Variants in SLC4A4 observed in about 807,000 individuals in gnomAD.
SLC4A4 encodes solute carrier family 4 member 4.
SLC4A4 carries 27 observed loss-of-function variants against 111.5 expected under a neutral mutation model. The ratio of observed to expected loss-of-function variants is 0.24; its 90% CI spans 0.18 to 0.33. The LOEUF (loss-of-function observed/expected upper bound fraction) is 0.33. Among genes scored for constraint, SLC4A4 ranks in the 10% least tolerant of loss-of-function variants. The probability of loss-of-function intolerance (pLI) is 1.00; values close to 1 mark genes in which losing one functional copy is unlikely to be tolerated. For synonymous variants in SLC4A4, 443 were observed against 463.4 expected (o/e 0.96, Z 0.57); for missense variants, 909 against 1,315.5 (o/e 0.69, Z 4.78).
intron 9 of SLC4A4, among the ~76,000 whole-genome samples, chr4:71,450,007 T>G (rs1357649683): frequency 6.6e-6 from 1 of 152,200 alleles, no homozygotes; most frequent in Non-Finnish European, 1.5e-5. Context: ...TATCAGCAAT[T>G]TTTATCCCAG....
intron 7 of SLC4A4, among the ~76,000 whole-genome samples, chr4:71,424,816 G>A (rs1159954973): frequency 6.6e-6 from 1 of 151,952 alleles, no homozygotes; most frequent in Non-Finnish European, 1.5e-5. Flanking sequence ...ACAGGAAGGG[G>A]AACATCACAC....
chr4:71,477,804 A>C (rs1407793337), intron 14 of SLC4A4, among the ~76,000 whole-genome samples: 1 of 151,740 alleles, frequency 6.6e-6, no homozygotes, highest in East Asian at 1.9e-4. Context: ...CATCAACAAA[A>C]ATTTTCTGAG....
intron 2 of SLC4A4, among the ~76,000 whole-genome samples, chr4:71,141,115 CAT>C (rs1374992629): frequency 2.0e-5 from 3 of 152,138 alleles, no homozygotes; most frequent in African/African-American, 7.2e-5. Context: ...AAAAACAAAA[CAT>C]ATTCTTTCTG....
chr4:71,271,704 A>G (rs2149081403), intron 3 of SLC4A4, among the ~76,000 whole-genome samples: 1 of 152,328 alleles, frequency 6.6e-6, no homozygotes, highest in Non-Finnish European at 1.5e-5. Flanking sequence ...GCCATAGATA[A>G]GGAGCAATAA....
intron 2 of SLC4A4, among the ~76,000 whole-genome samples, chr4:71,251,422 A>G (rs1464233293): frequency 1.3e-5 from 2 of 152,202 alleles, no homozygotes; most frequent in African/African-American, 4.8e-5. Context: ...GGAAGAAACA[A>G]GAATCACGTA....
intron 2 of SLC4A4, among the ~76,000 whole-genome samples, chr4:71,180,526 C>T (rs2148987398): frequency 6.6e-6 from 1 of 152,260 alleles, no homozygotes; most frequent in East Asian, 1.9e-4. Flanking sequence ...ACAACCCCAT[C>T]AAAAAGTGGG....
In SLC4A4 at chr4:71,555,124, A is replaced by T; in HGVS notation, c.2695-16A>T. 1 of 1,572,442 alleles carries T rather than the reference A, an allele frequency of 6.4e-7. No homozygotes were observed. The highest frequency in any genetic ancestry group is 8.7e-7 in the Non-Finnish European group (1 of 1,143,348). On this transcript the variant is annotated splice_polypyrimidine_tract_variant and intron_variant, in intron 20 of 25. Coordinates refer to ENST00000264485, the MANE Select transcript of SLC4A4 (RefSeq NM_001098484.3). ...TTGTTATCATTTTTAAGTTGTATCC[A>T]TTTTTTTCCTTCTAGTTTATACCCA... is the stretch of plus-strand genomic sequence containing the variant.
chr4:71,097,115 T>C (rs888797376), intron 2 of SLC4A4, among the ~76,000 whole-genome samples: 11 of 152,182 alleles, frequency 7.2e-5, no homozygotes, highest in Non-Finnish European at 1.0e-4. Flanking sequence ...GATTATTTCA[T>C]CACCCAGGTA....
At chr4:71,277,597 T>C (rs576443329) in intron 3 of SLC4A4, among the ~76,000 whole-genome samples, 2 of 149,308 alleles carry the variant, frequency 1.3e-5, no homozygotes, top group Admixed American at 1.3e-4. Context: ...TCTTTCTTTC[T>C]CTCTCTCTCC....
chr4:71,302,837 T>C (rs2148842939), intron 3 of SLC4A4, among the ~76,000 whole-genome samples: 1 of 152,294 alleles, frequency 6.6e-6, no homozygotes, highest in East Asian at 1.9e-4. Context: ...TAGGCCTAAA[T>C]AGGGTATTTT....
At chr4:71,557,594 C>A in intron 21 of SLC4A4, 118 bp from the exon 22 acceptor site, 2 of 980,048 alleles carry the variant, frequency 2.0e-6, no homozygotes, top group Non-Finnish European at 3.2e-6. Context: ...ATTCCTTTGT[C>A]CTCTGAAAAG....
At chr4:71,213,779 C>A (rs546142398) in intron 1 of SLC4A4, among the ~76,000 whole-genome samples, 2 of 152,056 alleles carry the variant, frequency 1.3e-5, no homozygotes, top group Admixed American at 6.5e-5. Flanking sequence ...AAGAGACATG[C>A]GAGAGATGAT....
intron 1 of SLC4A4, among the ~76,000 whole-genome samples, chr4:71,074,675 G>A (rs1232264900): frequency 6.6e-6 from 1 of 151,716 alleles, no homozygotes; most frequent in Non-Finnish European, 1.5e-5. Flanking sequence ...GAAGGAAGAA[G>A]GGAGGGAAAG....
intron 4 of SLC4A4, among the ~76,000 whole-genome samples, chr4:71,339,740 A>AT (rs1728733553): frequency 6.6e-6 from 1 of 152,144 alleles, no homozygotes; most frequent in South Asian, 2.1e-4. Flanking sequence ...TGTTGCTATA[A>AT]TTTTGGCTTT....
intron 1 of SLC4A4, among the ~76,000 whole-genome samples, chr4:71,082,258 C>G (rs1560708678): frequency 6.6e-6 from 1 of 152,010 alleles, no homozygotes; most frequent in African/African-American, 2.4e-5. Context: ...TGAGTCTCAG[C>G]TCCAACCTAG....
Position 71,497,513 on chromosome 4 carries a change from A to G in SLC4A4, c.1987A>G (p.Thr663Ala). The G allele has an allele frequency of 1.2e-6, 2 of 1,613,190 alleles. No individual in the cohort carries two copies. The highest frequency in any genetic ancestry group is 1.1e-5 in the South Asian group (1 of 91,064). The change falls in exon 16 of 26, where the codon ACC becomes GCC. Residue 663 changes from threonine (T) to alanine (A), a missense_variant. Thr to Ala is a moderately conservative substitution (Grantham distance 58). Coordinates refer to ENST00000264485, the MANE Select transcript of SLC4A4 (RefSeq NM_001098484.3). ...TTTTCTTCTTCAGTACCATAATACT[A>G]CCTTTGACTGGGCATTTTTGTCGAA... Reference protein sequence around the residue: ...MSSTDMYHNTTFDWAFLSKKE... With the variant: ...MSSTDMYHNTAFDWAFLSKKE...
At chr4:71,433,552 G>T (rs1469752070) in intron 7 of SLC4A4, among the ~76,000 whole-genome samples, 1 of 152,034 alleles carries the variant, frequency 6.6e-6, no homozygotes, top group African/African-American at 2.4e-5. Flanking sequence ...CAGATGGATA[G>T]ATTGCAAAAA....
chr4:71,372,960 CA>C (rs1284667018), intron 6 of SLC4A4, among the ~76,000 whole-genome samples: 3 of 151,916 alleles, frequency 2.0e-5, no homozygotes, highest in African/African-American at 7.3e-5. Flanking sequence ...TGTAAGTGGA[CA>C]TTTTTTTGCT....
At chr4:71,438,692 T>A (rs920816164) in intron 7 of SLC4A4, among the ~76,000 whole-genome samples, 3 of 152,182 alleles carry the variant, frequency 2.0e-5, no homozygotes, top group Non-Finnish European at 2.9e-5. Context: ...ACCAGAACTT[T>A]AATAACATTT....
Sources: gnomAD v4.1 joint callset for allele counts (sites outside exome capture counted in the v4.1 genomes callset) on GRCh38, gnomAD v4.1.1 for gene constraint, MANE v1.5 for transcripts, NCBI Gene and HGNC (gene_info 2026-07-23, HGNC 2026-07-21) for gene names.